The following FDFT1 variants were observed in gnomAD, a reference collection of about 807,000 sequenced individuals.
FDFT1 encodes the protein squalene synthase.
In FDFT1, 68 loss-of-function variants were observed where a neutral mutation model predicts 46.8. The ratio of observed to expected loss-of-function variants is 1.45; its 90% CI spans 1.19 to 1.78. The LOEUF (loss-of-function observed/expected upper bound fraction) is 1.78, where lower values mean the gene tolerates loss of function less well. Among genes scored for constraint, FDFT1 ranks in the 40% most tolerant of loss-of-function variants. FDFT1 has a pLI of 0.00. For missense variants in FDFT1, 928 were observed against 524.4 expected (o/e 1.77, Z -7.52); for synonymous variants, 351 against 185.1 (o/e 1.90, Z -7.28).
chr8:11,826,251 T>G (rs1809972054), intron 5 of FDFT1, 36 bp downstream of exon 5: 1 of 1,412,874 alleles, frequency 7.1e-7, no homozygotes, highest in Non-Finnish European at 9.5e-7. Flanking sequence ...GAAAATAACT[T>G]TAGACATTCT....
chr8:11,819,083 A>G (rs4308694), intron 3 of FDFT1, among the ~76,000 whole-genome samples: 70,038 of 151,958 alleles, frequency 0.46, 17,345 homozygotes, highest in East Asian at 0.77. Flanking sequence ...GCTTGTCTGT[A>G]AAGGATTTTA....
upstream of FDFT1, chr8:11,802,603 C>T (rs1806259721): frequency 8.3e-6 from 5 of 600,624 alleles, no homozygotes; most frequent in South Asian, 3.5e-5. Flanking sequence ...GTGTGAGCGG[C>T]CCTGGCCAAT....
upstream of FDFT1, chr8:11,802,340 G>C (rs1045073978): frequency 1.7e-5 from 7 of 418,412 alleles, no homozygotes; most frequent in African/African-American, 1.2e-4. Context: ...TTGACCAAGT[G>C]GGGAGGAAGC....
At chr8:11,807,122 T>G (rs997329980) in intron 1 of FDFT1, among the ~76,000 whole-genome samples, 7 of 151,876 alleles carry the variant, frequency 4.6e-5, no homozygotes, top group Non-Finnish European at 8.8e-5. Flanking sequence ...GAAGTGGATA[T>G]GCCATATTTT....
At chr8:11,807,295 T>C (rs1032069328) in intron 1 of FDFT1, among the ~76,000 whole-genome samples, 44 of 152,088 alleles carry the variant, frequency 2.9e-4, no homozygotes, top group South Asian at 2.1e-4. Context: ...AGACTATAGG[T>C]GGGCGCCACC....
intron 3 of FDFT1, among the ~76,000 whole-genome samples, chr8:11,816,357 T>G (rs1047812222): frequency 6.6e-6 from 1 of 152,200 alleles, no homozygotes; most frequent in East Asian, 1.9e-4. Flanking sequence ...GCAGGCTCTT[T>G]TTTGCTTCCA....
chr8:11,815,142 C>T (rs1808275090), intron 3 of FDFT1, among the ~76,000 whole-genome samples: 1 of 152,122 alleles, frequency 6.6e-6, no homozygotes, highest in Non-Finnish European at 1.5e-5. Flanking sequence ...CGTTGTGATA[C>T]TTTGCTCAGA....
chr8:11,812,436 C>T (rs1001271570), intron 3 of FDFT1, among the ~76,000 whole-genome samples: 4 of 152,082 alleles, frequency 2.6e-5, no homozygotes, highest in Non-Finnish European at 4.4e-5. Flanking sequence ...ATGTGAGGTG[C>T]CTCCCAGTGC....
chr8:11,799,465 T>C (rs970056733), upstream of FDFT1, among the ~76,000 whole-genome samples: 2 of 152,252 alleles, frequency 1.3e-5, no homozygotes, highest in Admixed American at 6.5e-5. Flanking sequence ...ATTGCCTGCA[T>C]GGCCTTAGGT....
chr8:11,827,400 C>G (rs188148912), intron 5 of FDFT1, among the ~76,000 whole-genome samples: 1 of 151,936 alleles, frequency 6.6e-6, no homozygotes, highest in African/African-American at 2.4e-5. Flanking sequence ...CACCTGTATT[C>G]CTAGGTATTC....
intron 1 of FDFT1, among the ~76,000 whole-genome samples, chr8:11,804,274 C>G (rs1475325876): frequency 6.6e-6 from 1 of 152,188 alleles, no homozygotes. Context: ...GACTTCATTC[C>G]TCTATGTCTC....
intron 4 of FDFT1, among the ~76,000 whole-genome samples, chr8:11,825,044 G>C (rs966528314): frequency 6.6e-6 from 1 of 152,156 alleles, no homozygotes; most frequent in Non-Finnish European, 1.5e-5. Flanking sequence ...TGAATGTGCA[G>C]AGTTCTTAAA....
At chr8:11,796,334 C>G (rs1229404210) in intron 1 of FDFT1, among the ~76,000 whole-genome samples, 1 of 152,136 alleles carries the variant, frequency 6.6e-6, no homozygotes, top group African/African-American at 2.4e-5. Context: ...ACTGTGTAGG[C>G]CCAGCCCTTG....
At chr8:11,802,086 G>A (rs1806180065), upstream of FDFT1, 3 of 455,076 alleles carry the variant, frequency 6.6e-6, no homozygotes, top group Admixed American at 7.1e-5. Flanking sequence ...CTTTTTCTAG[G>A]ACTAAGCTGG....
intron 3 of FDFT1, among the ~76,000 whole-genome samples, chr8:11,814,099 C>G (rs779415202): frequency 5.9e-5 from 9 of 152,174 alleles, no homozygotes; most frequent in Non-Finnish European, 1.3e-4. Flanking sequence ...CCTTTCCTCT[C>G]TAATAAATAG....
intron 1 of FDFT1, chr8:11,808,482 C>T: frequency 2.3e-6 from 3 of 1,325,258 alleles, no homozygotes; most frequent in East Asian, 3.0e-5. Flanking sequence ...CTGCTTGAGT[C>T]TATGGAGGAA....
At chr8:11,831,794 C>A in intron 7 of FDFT1, 124 bp downstream of exon 7, 3 of 830,274 alleles carry the variant, frequency 3.6e-6, no homozygotes, top group Non-Finnish European at 5.9e-6. Flanking sequence ...CCTAAAGAGA[C>A]AGGAATTGAT....
chr8:11,837,203 GC>G (rs1253457103), intron 7 of FDFT1, among the ~76,000 whole-genome samples: 1 of 152,214 alleles, frequency 6.6e-6, no homozygotes, highest in African/African-American at 2.4e-5. Flanking sequence ...CATCGCATGG[GC>G]GAAACAACAG....
intron 3 of FDFT1, among the ~76,000 whole-genome samples, chr8:11,810,448 C>G (rs1164643482): frequency 6.6e-6 from 1 of 152,204 alleles, no homozygotes; most frequent in Non-Finnish European, 1.5e-5. Flanking sequence ...TGATCCTGGG[C>G]AAGTTCCTTA....
Sources: gnomAD v4.1 joint callset for allele counts (sites outside exome capture counted in the v4.1 genomes callset) on GRCh38, gnomAD v4.1.1 for gene constraint, MANE v1.5 for transcripts, NCBI Gene and HGNC (gene_info 2026-07-23, HGNC 2026-07-21) for gene names.